The following TIAM1 variants were observed in gnomAD, a reference collection of about 807,000 sequenced individuals.
The protein encoded by TIAM1 is rho guanine nucleotide exchange factor TIAM1.
A neutral mutation model predicts 163.5 loss-of-function variants in TIAM1; 65 were observed. The observed-to-expected ratio is 0.40, with a 90% CI of 0.33 to 0.49. The LOEUF (loss-of-function observed/expected upper bound fraction) is 0.49, where lower values mean the gene tolerates loss of function less well. Ranked by LOEUF, TIAM1 falls within the 20% of genes least tolerant of loss-of-function variation. The pLI is 0.77. For synonymous variants in TIAM1, 833 were observed against 810.1 expected (o/e 1.03, Z -0.48); for missense variants, 1,789 against 2,044.7 (o/e 0.87, Z 2.41).
chr21:31,343,202 G>A (rs2147100906), intron 1 of TIAM1, among the ~76,000 whole-genome samples: 1 of 152,258 alleles, frequency 6.6e-6, no homozygotes, highest in African/African-American at 2.4e-5. Flanking sequence ...TATGAAACAA[G>A]TGCAACAGGT....
At chr21:31,147,841 G>A (rs1261392605) in intron 19 of TIAM1, among the ~76,000 whole-genome samples, 5 of 143,642 alleles carry the variant, frequency 3.5e-5, no homozygotes, top group Middle Eastern at 3.5e-3. Context: ...CACACTGAAA[G>A]AGTCTTGTTT....
chr21:31,206,932 T>C (rs954778671), intron 11 of TIAM1, among the ~76,000 whole-genome samples: 1 of 137,920 alleles, frequency 7.3e-6, no homozygotes, highest in Admixed American at 6.8e-5. Flanking sequence ...TACAGAAATA[T>C]GTATACACAC....
chr21:31,492,803 A>G (rs1395224637), intron 1 of TIAM1, among the ~76,000 whole-genome samples: 1 of 151,452 alleles, frequency 6.6e-6, no homozygotes, highest in Non-Finnish European at 1.5e-5. Flanking sequence ...ACACACACAC[A>G]CACACACACA....
chr21:31,130,118 T>C, intron 25 of TIAM1, 95 bp downstream of exon 25: 2 of 881,368 alleles, frequency 2.3e-6, no homozygotes, highest in Admixed American at 2.5e-5. Flanking sequence ...AAAAAGACGG[T>C]AGAAGAGTTA....
At chr21:31,331,826 C>A (rs1410230460) in intron 2 of TIAM1, among the ~76,000 whole-genome samples, 1 of 152,146 alleles carries the variant, frequency 6.6e-6, no homozygotes, top group Non-Finnish European at 1.5e-5. Context: ...AGTCTGATTT[C>A]AAACGATGGA....
intron 2 of TIAM1, among the ~76,000 whole-genome samples, chr21:31,382,782 G>A (rs374288030): frequency 3.3e-5 from 5 of 152,126 alleles, no homozygotes; most frequent in Non-Finnish European, 7.4e-5. Context: ...ATTAATGAAA[G>A]CATGTGATTC....
At chr21:31,465,795 C>A (rs2045508823) in intron 1 of TIAM1, among the ~76,000 whole-genome samples, 2 of 152,332 alleles carry the variant, frequency 1.3e-5, no homozygotes, top group South Asian at 4.1e-4. Context: ...TGGTCTCAAT[C>A]TCCTGACCTC....
Position 31,483,910 on chromosome 21 carries a change from C to G in TIAM1, c.-421-19875G>C, listed in dbSNP as rs375722513. On this transcript the variant is annotated intron_variant, in intron 1 of 28. Transcript: ENST00000286827. Reference sequence around the variant, plus strand: ...ATTGCTGGAAAAGGAGTGAGAAAATCCAATGCCATAGGCTGAAAGGTTGGG... The same window carrying G: ...ATTGCTGGAAAAGGAGTGAGAAAATGCAATGCCATAGGCTGAAAGGTTGGG... Among the ~76,000 whole-genome samples, 280 of 152,240 alleles carry G rather than the reference C, an allele frequency of 1.8e-3. 1 individual carries two copies. The highest frequency in any genetic ancestry group is 6.4e-3 in the African/African-American group (267 of 41,542).
chr21:31,272,835 T>C (rs1326005424), intron 3 of TIAM1, among the ~76,000 whole-genome samples: 1 of 152,164 alleles, frequency 6.6e-6, no homozygotes, highest in Non-Finnish European at 1.5e-5. Flanking sequence ...AAAGCAAGCA[T>C]TTAGCATCAT....
chr21:31,398,566 C>T (rs1365814211), intron 2 of TIAM1, among the ~76,000 whole-genome samples: 2 of 152,190 alleles, frequency 1.3e-5, no homozygotes, highest in Non-Finnish European at 2.9e-5. Context: ...GGTGGATGTG[C>T]TATCACTGCA....
At chr21:31,151,242 A>C (rs141999691) in intron 19 of TIAM1, among the ~76,000 whole-genome samples, 1 of 152,370 alleles carries the variant, frequency 6.6e-6, no homozygotes, top group African/African-American at 2.4e-5. Flanking sequence ...GAGAGCATAT[A>C]TCCATACTAA....
chr21:31,552,677 C>A (rs2048733332), intron 1 of TIAM1, among the ~76,000 whole-genome samples: 1 of 151,940 alleles, frequency 6.6e-6, no homozygotes, highest in Admixed American at 6.6e-5. Context: ...GGCTGAGGCA[C>A]AAGAATTGCT....
rs2084954286 is a variant in TIAM1 at position 31,180,285 on chromosome 21, C to T, written c.2887+2136G>A. Among the ~76,000 whole-genome samples, 11 of 151,658 alleles carry T rather than the reference C, an allele frequency of 7.3e-5. No individual in the cohort carries two copies. The South Asian group carries it at 2.1e-3, about 29-fold the overall frequency. On this transcript the variant is annotated intron_variant, in intron 15 of 27. Transcript: ENST00000541036. ...CTTAAAAAAACAAATTGTGAGCAATCTCAGTCATACTTTACATCAGGGACA... is the reference window on the plus strand; with the variant it reads ...CTTAAAAAAACAAATTGTGAGCAATTTCAGTCATACTTTACATCAGGGACA...
chr21:31,196,197 C>G (rs1024523961), intron 12 of TIAM1, among the ~76,000 whole-genome samples: 5 of 151,972 alleles, frequency 3.3e-5, no homozygotes, highest in African/African-American at 1.2e-4. Context: ...GAAATGTAAA[C>G]CAAAACCACA....
chr21:31,152,276 G>GC (rs1288665734), intron 19 of TIAM1, among the ~76,000 whole-genome samples: 1 of 152,018 alleles, frequency 6.6e-6, no homozygotes, highest in Admixed American at 6.6e-5. Flanking sequence ...CAGGTGATCT[G>GC]CCCGCCTTGG....
intron 1 of TIAM1, among the ~76,000 whole-genome samples, chr21:31,493,236 TGAAG>T (rs1207816380): frequency 2.0e-5 from 3 of 152,320 alleles, no homozygotes; most frequent in African/African-American, 7.2e-5. Flanking sequence ...AGGGAAAGCA[TGAAG>T]GAAGATGAAT....
At chr21:31,307,457 T>C (rs555493051) in intron 2 of TIAM1, among the ~76,000 whole-genome samples, 129 of 152,194 alleles carry the variant, frequency 8.5e-4, no homozygotes, top group African/African-American at 2.7e-3. Flanking sequence ...AGGAACCAAA[T>C]AGGAATCCTT....
At chr21:31,366,019 G>A (rs2076499163) in intron 2 of TIAM1, among the ~76,000 whole-genome samples, 1 of 149,680 alleles carries the variant, frequency 6.7e-6, no homozygotes, top group Non-Finnish European at 1.5e-5. Context: ...CCCGGGAGGT[G>A]GAGGTTGCAG....
chr21:31,284,186 C>A (rs1408877723), intron 2 of TIAM1, among the ~76,000 whole-genome samples: 1 of 152,210 alleles, frequency 6.6e-6, no homozygotes, highest in African/African-American at 2.4e-5. Context: ...GGACAGTATT[C>A]ATTCTCAGTG....
Sources: allele counts gnomAD v4.1 joint callset (sites outside exome capture counted in the v4.1 genomes callset), GRCh38; gene constraint gnomAD v4.1.1; transcripts MANE v1.5; gene names NCBI Gene and HGNC (gene_info 2026-07-23, HGNC 2026-07-21).